The following ASTN2 variants were observed in gnomAD, a reference collection of about 807,000 sequenced individuals.
The protein encoded by ASTN2 is astrotactin-2.
A neutral mutation model predicts 139.8 loss-of-function variants in ASTN2; 54 were observed. That is an observed-to-expected ratio of 0.39 (90% CI 0.31 to 0.48). The LOEUF (loss-of-function observed/expected upper bound fraction) is 0.48, where lower values mean the gene tolerates loss of function less well. Among genes scored for constraint, ASTN2 ranks in the 20% least tolerant of loss-of-function variants. The pLI, the probability that ASTN2 is intolerant of heterozygous loss-of-function variation, is 0.95. For missense variants in ASTN2, 1,565 were observed against 1,725.1 expected (o/e 0.91, Z 1.64); for synonymous variants, 756 against 719.5 (o/e 1.05, Z -0.81).
At chr9:117,259,850 A>T (rs10983588) in intron 2 of ASTN2, among the ~76,000 whole-genome samples, 110,160 of 152,098 alleles carry the variant, frequency 0.72, 42,943 homozygotes, top group Non-Finnish European at 0.85. Context: ...CAAAATAAAG[A>T]TTCTAAATTG....
At chr9:116,815,694 A>G (rs1279847106) in intron 12 of ASTN2, among the ~76,000 whole-genome samples, 1 of 150,058 alleles carries the variant, frequency 6.7e-6, no homozygotes, top group South Asian at 2.1e-4. Flanking sequence ...AGTCCCAACT[A>G]CTTGGCAGGC....
intron 19 of ASTN2, among the ~76,000 whole-genome samples, chr9:116,524,004 T>A: frequency 6.6e-6 from 1 of 152,278 alleles, no homozygotes; most frequent in South Asian, 2.1e-4. Context: ...AAAGGCCATT[T>A]TTTTTCCTCT....
chr9:116,885,865 C>A (rs1429812760), intron 10 of ASTN2, among the ~76,000 whole-genome samples: 1 of 149,748 alleles, frequency 6.7e-6, no homozygotes, highest in East Asian at 1.9e-4. Flanking sequence ...CATGTCCATC[C>A]ATTCATTTAC....
intron 2 of ASTN2, chr9:117,277,305 AG>A (rs1415311993): frequency 2.6e-5 from 4 of 152,346 alleles, no homozygotes; most frequent in African/African-American, 9.6e-5. Flanking sequence ...ACATAGGGTA[AG>A]GTTCAGGAAA....
intron 10 of ASTN2, among the ~76,000 whole-genome samples, chr9:116,898,312 G>A (rs114256724): frequency 0.028 from 4,277 of 151,634 alleles, 218 homozygotes; most frequent in African/African-American, 0.099. Flanking sequence ...GGGTGGCTAA[G>A]ATGGGAGGAT....
rs1386618064 is a variant in ASTN2, at chr9:117,052,791, C to T, written c.1277-12826G>A. 3.3e-5 allele frequency among the ~76,000 whole-genome samples: 5 copies of T among 152,304 alleles called. No homozygotes were observed. In the East Asian group the frequency reaches 9.7e-4, roughly 29 times the overall value. ...CATTTTATAAATCAGAAAACCAGCT[C>T]AGGGAAGAGAAGTGCTTTGCTCAAG... is the stretch of plus-strand genomic sequence containing the variant. On this transcript the variant is annotated intron_variant, in intron 5 of 22. Transcript: ENST00000313400.
chr9:117,100,512 G>A (rs146608004), intron 4 of ASTN2, among the ~76,000 whole-genome samples: 11 of 152,218 alleles, frequency 7.2e-5, no homozygotes, highest in East Asian at 5.8e-4. Flanking sequence ...AGTTATTACC[G>A]AAGTATTTTA....
At chr9:116,968,479 G>A (rs1836082672) in intron 10 of ASTN2, among the ~76,000 whole-genome samples, 1 of 152,122 alleles carries the variant, frequency 6.6e-6, no homozygotes. Flanking sequence ...TAGCCCAGGT[G>A]GTTAACAGCT....
At chr9:116,614,547 A>G (rs1855736439) in intron 19 of ASTN2, among the ~76,000 whole-genome samples, 1 of 152,196 alleles carries the variant, frequency 6.6e-6, no homozygotes, top group African/African-American at 2.4e-5. Flanking sequence ...GGAACACAAT[A>G]GAGCCCCCGG....
rs191873756 is a variant in ASTN2 at position 117,086,637 on chromosome 9, C to A, written c.1276+9407G>T. Among the ~76,000 whole-genome samples, 4 of 152,188 alleles carry A rather than the reference C, an allele frequency of 2.6e-5. No homozygotes were observed. In the East Asian group the frequency reaches 7.8e-4, roughly 30 times the overall value. ...GGACTTCCAGTGATTTCATGACATCCTCTTGCTTGGCTCTTCCTCCTCCTG... is the reference window on the plus strand; with the variant it reads ...GGACTTCCAGTGATTTCATGACATCATCTTGCTTGGCTCTTCCTCCTCCTG... On this transcript the variant is annotated intron_variant, in intron 5 of 22. Transcript: ENST00000313400.
chr9:116,536,102 C>T (rs1196486968), intron 19 of ASTN2, among the ~76,000 whole-genome samples: 1 of 151,900 alleles, frequency 6.6e-6, no homozygotes, highest in African/African-American at 2.4e-5. Context: ...TCATTTCATT[C>T]ATTTGATCTT....
chr9:116,599,837 T>C lies in ASTN2; in HGVS notation c.3355+18487A>G, dbSNP rs114317001. Among the ~76,000 whole-genome samples the C allele has an allele frequency of 5.4e-3, 828 of 152,296 alleles. 7 individuals carry two copies. Among genetic ancestry groups the C allele is most frequent in the African/African-American group, 0.019 (783 of 41,570 alleles). ...TGTCAGATGGAGGAGGAAGGGACTT[T>C]ACAACTGTACCCCTTTTCTTATTTT... On this transcript the variant is annotated intron_variant, in intron 19 of 22. Coordinates refer to ENST00000313400, the MANE Select transcript of ASTN2 (RefSeq NM_001365068.1).
Position 116,699,673 on chromosome 9 carries a change from G to T in ASTN2, c.2806+26098C>A, listed in dbSNP as rs765555919. The stretch of plus-strand genomic sequence containing the variant: ...TGGGATCATTGCATCAAGATCTACA[G>T]CTACCATCTGAGAAGATATTCCACC... On this transcript the variant is annotated intron_variant, in intron 16 of 22. Coordinates refer to ENST00000313400, the MANE Select transcript of ASTN2 (RefSeq NM_001365068.1). This position sits in a 1 kb window ranked among gnomAD's most constrained non-coding sequence, Gnocchi z 4.2. 1.9e-6 allele frequency: 3 copies of T among 1,614,162 alleles called. No individual in the cohort carries two copies. The Admixed American group carries it at 5.0e-5, about 27-fold the overall frequency.
intron 11 of ASTN2, among the ~76,000 whole-genome samples, chr9:116,836,095 A>C (rs941340527): frequency 2.6e-5 from 4 of 152,120 alleles, no homozygotes; most frequent in African/African-American, 9.7e-5. Context: ...CCCTCTTTTC[A>C]GCTGGATGAG....
At position 117,119,823 on chromosome 9, in the gene ASTN2, A is replaced by G. The variant is rs543032706; in HGVS notation, c.1168+21503T>C. ...ACACGCATGTTATCCTGAATTTCAT[A>G]GGAAGATGGGGTTTGACTTTAGAAG... is the stretch of plus-strand genomic sequence containing the variant. On this transcript the variant is annotated intron_variant, in intron 4 of 22. Coordinates refer to ENST00000313400, the MANE Select transcript of ASTN2 (RefSeq NM_001365068.1). Among the ~76,000 whole-genome samples, 328 of 151,846 alleles carry G rather than the reference A, an allele frequency of 2.2e-3. 3 individuals carry two copies. In the Middle Eastern group the frequency reaches 0.075, roughly 35 times the overall value.
intron 1 of ASTN2, among the ~76,000 whole-genome samples, chr9:117,340,361 A>AT (rs1486392178): frequency 9.5e-5 from 13 of 137,068 alleles, no homozygotes; most frequent in Non-Finnish European, 4.7e-5. Context: ...AAAAAAAAAA[A>AT]GTGTCATGGA....
At chr9:117,330,983 C>G (rs1457683756) in intron 1 of ASTN2, among the ~76,000 whole-genome samples, 4 of 152,156 alleles carry the variant, frequency 2.6e-5, no homozygotes, top group Admixed American at 2.0e-4. Flanking sequence ...TAGCAACAGG[C>G]AGAGGGACCC....
At chr9:116,918,604 T>C (rs1834517367) in intron 10 of ASTN2, among the ~76,000 whole-genome samples, 1 of 152,254 alleles carries the variant, frequency 6.6e-6, no homozygotes, top group Admixed American at 6.5e-5. Flanking sequence ...TAAATGTCAA[T>C]CTTCTACCTT....
At chr9:116,828,980 A>G (rs1255569758) in intron 11 of ASTN2, among the ~76,000 whole-genome samples, 1 of 152,150 alleles carries the variant, frequency 6.6e-6, no homozygotes, top group Non-Finnish European at 1.5e-5. Context: ...TATAAAAATA[A>G]TAACAAAACA....
Sources: allele counts gnomAD v4.1 joint callset (sites outside exome capture counted in the v4.1 genomes callset), GRCh38; gene constraint gnomAD v4.1.1; non-coding constraint Gnocchi (gnomAD v3.1); transcripts MANE v1.5; gene names NCBI Gene and HGNC (gene_info 2026-07-23, HGNC 2026-07-21).